Variants in GPI observed in about 807,000 individuals in gnomAD.
The protein encoded by GPI is D-hexose-6-phosphate anomerase.
In GPI, 56 loss-of-function variants were observed where a neutral mutation model predicts 75.8. The observed-to-expected ratio is 0.74, with a 90% CI of 0.60 to 0.92. The LOEUF is 0.92. Ranked by LOEUF, GPI falls within the 40% of genes least tolerant of loss-of-function variation. The pLI, the probability that GPI is intolerant of heterozygous loss-of-function variation, is 0.00. For missense variants in GPI, 638 were observed against 741.0 expected, an observed-to-expected ratio of 0.86 and a Z score of 1.61; for synonymous variants, 288 against 285.4, an observed-to-expected ratio of 1.01 and a Z score of -0.09.
In GPI at chr19:34,401,639, T is replaced by G. The variant is rs1193003898; in HGVS notation, c.*1603T>G. ...CAGGCGTGAGCCGCCACACCCAGCC[T>G]ATTCAAAATTTTTTTTTCTTAGAGA... On this transcript the variant is annotated 3_prime_UTR_variant, in exon 18 of 18. Coordinates refer to ENST00000356487, the MANE Select transcript of GPI (RefSeq NM_000175.5). The G allele has an allele frequency of 6.6e-6, 1 of 150,672 alleles. No homozygotes were observed. The highest frequency in any genetic ancestry group is 1.5e-5 in the Non-Finnish European group (1 of 67,630). The allele number at this position is 150,672 out of a possible 1,614,324, so 9.3% of individuals were successfully genotyped here.
At chr19:34,366,241 G>A (rs974985392) in intron 1 of GPI, 104 bp from the exon 2 acceptor site, 6 of 812,196 alleles carry the variant, frequency 7.4e-6, no homozygotes, top group African/African-American at 5.0e-5. Flanking sequence ...CTTGTGGGGC[G>A]TGGGTCAGGG....
intron 9 of GPI, chr19:34,392,190 G>C (rs796532882): frequency 4.8e-5 from 1 of 20,724 alleles, no homozygotes; most frequent in Non-Finnish European, 1.1e-4. Context: ...AATTTCTGAG[G>C]AGGTTGGATC....
rs376737076 is a variant in GPI at position 34,399,991 on chromosome 19, G to A, written c.1632G>A (p.Gly544=). The A allele has an allele frequency of 1.2e-6, 2 of 1,613,644 alleles. No individual in the cohort carries two copies. The highest frequency in any genetic ancestry group is 1.7e-6 in the Non-Finnish European group (2 of 1,179,996). The change falls in exon 18 of 18, where the codon GGG becomes GGA. Residue 544 remains glycine, a synonymous_variant. Transcript: ENST00000356487. ...QVTSHDASTN[G]LINFIKQQRE... ...CCTCTCACGACGCTTCTACCAATGG[G>A]CTCATCAACTTCATCAAGCAGCAGC...
intron 12 of GPI, among the ~76,000 whole-genome samples, chr19:34,394,327 T>C (rs1173292758): frequency 2.0e-5 from 3 of 152,180 alleles, no homozygotes; most frequent in African/African-American, 7.2e-5. Context: ...CTGGCTTGAC[T>C]CAGGGGATGT....
chr19:34,381,311 G>A (rs547579139), intron 8 of GPI, 155 bp from the exon 9 acceptor site: 39 of 720,326 alleles, frequency 5.4e-5, no homozygotes, highest in Non-Finnish European at 5.4e-5. Flanking sequence ...CCCTGCCCTC[G>A]ACTCACAGGC....
At position 34,402,115 on chromosome 19, in the gene GPI, A is replaced by G. The variant is rs75203280; in HGVS notation, c.*2079A>G. 0.037 allele frequency: 5,694 copies of G among 152,024 alleles called. 175 individuals carry two copies. The highest frequency in any genetic ancestry group is 0.11 in the Admixed American group (1,631 of 15,266). The allele number at this position is 152,024 out of a possible 1,614,324, so 9.4% of individuals were successfully genotyped here. A position where few individuals can be genotyped will look rare whatever the true frequency, so the allele number is the denominator to read the frequency against. On this transcript the variant is annotated 3_prime_UTR_variant, in exon 18 of 18. Coordinates refer to ENST00000356487, the MANE Select transcript of GPI (RefSeq NM_000175.5). Reference sequence around the variant, plus strand: ...TGAGTCACCGCGCCCGGCTCATTTTAAAATTTTTGTAGATCAGTGTACTGT... The same window carrying G: ...TGAGTCACCGCGCCCGGCTCATTTTGAAATTTTTGTAGATCAGTGTACTGT...
At chr19:34,371,134 G>A (rs1419394708) in intron 4 of GPI, among the ~76,000 whole-genome samples, 1 of 152,254 alleles carries the variant, frequency 6.6e-6, no homozygotes, top group African/African-American at 2.4e-5. Context: ...ACCGTCTGGG[G>A]TGCTGTTTCC....
chr19:34,365,348 C>T lies in GPI; in HGVS notation c.82C>T (p.Arg28Cys). The change falls in exon 1 of 18, where the codon CGC (arginine) becomes TGC (cysteine). Residue 28 changes from arginine (R) to cysteine (C), a missense_variant. Arg to Cys is a radical substitution (Grantham distance 180, BLOSUM62 -3). Coordinates refer to ENST00000356487, the MANE Select transcript of GPI (RefSeq NM_000175.5). ...GCACCGCTCCGAGCTGAACCTGCGCCGCCTCTTCGATGCCAACAAGGACCG... is the reference window on the plus strand; with the variant it reads ...GCACCGCTCCGAGCTGAACCTGCGCTGCCTCTTCGATGCCAACAAGGACCG... ...REHRSELNLR[R>C]LFDANKDRFN... The T allele has an allele frequency of 6.3e-7, 1 of 1,591,502 alleles. No homozygotes were observed. Among genetic ancestry groups the T allele is most frequent in the Non-Finnish European group, 8.5e-7 (1 of 1,170,822 alleles).
At chr19:34,368,081 T>A (rs1298611655) in intron 3 of GPI, among the ~76,000 whole-genome samples, 2 of 152,136 alleles carry the variant, frequency 1.3e-5, no homozygotes, top group African/African-American at 4.8e-5. Flanking sequence ...CACCCCCACC[T>A]GGCTGATTTT....
At chr19:34,380,427 G>A (rs979585278) in intron 8 of GPI, among the ~76,000 whole-genome samples, 6 of 151,788 alleles carry the variant, frequency 4.0e-5, no homozygotes, top group Non-Finnish European at 7.4e-5. Flanking sequence ...GATTACAGGC[G>A]CCCACTACCA....
At chr19:34,379,719 C>T in intron 8 of GPI, 157 bp downstream of exon 8, 1 of 761,782 alleles carries the variant, frequency 1.3e-6, no homozygotes, top group Non-Finnish European at 2.4e-6. Context: ...CCTTCCTTGC[C>T]TTTTCCGCAT....
rs139923243 is a variant in GPI, at chr19:34,366,807, G to T, written c.238G>T (p.Ala80Ser). The T allele has an allele frequency of 1.9e-6, 3 of 1,613,296 alleles. No individual in the cohort carries two copies. Among genetic ancestry groups the T allele is most frequent in the East Asian group, 2.2e-5 (1 of 44,878 alleles). ...DLAKSRGVEA[A>S]RERMFNGEKI... ...GGCCAAGTCCAGGGGCGTGGAGGCCGCCCGGGAGCGGATGTTCAATGGTGA... is the reference window on the plus strand; with the variant it reads ...GGCCAAGTCCAGGGGCGTGGAGGCCTCCCGGGAGCGGATGTTCAATGGTGA... The change falls in exon 3 of 18, where the codon GCC becomes TCC. Residue 80 changes from alanine (A) to serine (S), a missense_variant. By Grantham distance (99) the Ala-to-Ser change is moderately conservative. Transcript: ENST00000356487.
chr19:34,377,441 GT>G (rs2074563598), intron 4 of GPI, 61 bp from the exon 5 acceptor site: 1 of 1,221,444 alleles, frequency 8.2e-7, no homozygotes, highest in Non-Finnish European at 1.2e-6. Context: ...CAGTAATGAT[GT>G]TTTTGAGCAG....
upstream of GPI, chr19:34,365,139 G>A (rs2074335685): frequency 8.2e-7 from 1 of 1,224,960 alleles, no homozygotes; most frequent in Non-Finnish European, 1.0e-6. Context: ...GGGTGGGGCC[G>A]GGCCGGGCCG....
Position 34,368,615 on chromosome 19 carries a change from C to G in GPI, c.315C>G (p.Asn105Lys). Residue 105 changes from asparagine to lysine, a missense_variant, in exon 4 of 18, where the codon AAC (asparagine) becomes AAG (lysine). Asn to Lys is a moderately conservative substitution (Grantham distance 94, BLOSUM62 0). Transcript: ENST00000356487. Reference sequence around the variant, plus strand: ...CCGTGCTGCACGTGGCTCTGCGGAACCGGTCAAACACACCCATCCTGGTAG... The same window carrying G: ...CCGTGCTGCACGTGGCTCTGCGGAAGCGGTCAAACACACCCATCCTGGTAG... ...GRAVLHVALR[N>K]RSNTPILVDG... The G allele has an allele frequency of 6.2e-7, 1 of 1,614,082 alleles. No homozygotes were observed. Among genetic ancestry groups the G allele is most frequent in the Non-Finnish European group, 8.5e-7 (1 of 1,179,946 alleles).
intron 3 of GPI, 182 bp downstream of exon 3, chr19:34,367,033 T>C (rs954988172): frequency 1.4e-6 from 1 of 702,004 alleles, no homozygotes; most frequent in Non-Finnish European, 2.6e-6. Flanking sequence ...TTCCACAAGA[T>C]TGGTTTGGTG....
intron 4 of GPI, among the ~76,000 whole-genome samples, 167 bp from the exon 5 acceptor site, chr19:34,377,336 A>AAAAATATAT (rs2074558981): frequency 2.0e-5 from 1 of 49,326 alleles, no homozygotes; most frequent in African/African-American, 1.2e-4. Flanking sequence ...AAAAAAAAAA[A>AAAAATATAT]ATATATATAT....
chr19:34,372,855 C>A (rs2074476159), intron 4 of GPI, among the ~76,000 whole-genome samples: 1 of 152,138 alleles, frequency 6.6e-6, no homozygotes, highest in East Asian at 2.0e-4. Context: ...TTCACTGCAA[C>A]CTCCGCCTCC....
chr19:34,373,125 A>C (rs1162960912), intron 4 of GPI, among the ~76,000 whole-genome samples: 1 of 150,982 alleles, frequency 6.6e-6, no homozygotes, highest in Non-Finnish European at 1.5e-5. Context: ...TGTGGCTCAC[A>C]CCTGTAGTCC....
Sources: gnomAD v4.1 joint callset for allele counts (sites outside exome capture counted in the v4.1 genomes callset) on GRCh38, gnomAD v4.1.1 for gene constraint, MANE v1.5 for transcripts, NCBI Gene and HGNC (gene_info 2026-07-23, HGNC 2026-07-21) for gene names.